ADSS1: variants seen among roughly 807,000 people sequenced by gnomAD.
The protein encoded by ADSS1 is adenylosuccinate synthase 1.
Under a neutral mutation model 59.1 loss-of-function variants are expected in ADSS1, and 57 were observed. The ratio of observed to expected loss-of-function variants is 0.97; its 90% CI spans 0.78 to 1.20. The LOEUF (loss-of-function observed/expected upper bound fraction) is 1.20. Among genes scored for constraint, ADSS1 ranks in the 50% most tolerant of loss-of-function variants. ADSS1 has a pLI of 0.00. For synonymous variants in ADSS1, 247 were observed against 249.4 expected (o/e 0.99, Z 0.09); for missense variants, 603 against 610.3 (o/e 0.99, Z 0.13).
chr14:104,731,450 C>T (rs941283327), intron 1 of ADSS1, among the ~76,000 whole-genome samples: 2 of 152,320 alleles, frequency 1.3e-5, no homozygotes, highest in East Asian at 3.9e-4. Context: ...CTAGGAGCAG[C>T]AGGGCTGGGC....
chr14:104,738,489 G>A lies in ADSS1; in HGVS notation c.358+51G>A, dbSNP rs747748633. On this transcript the variant is annotated intron_variant, in intron 3 of 12. Transcript: ENST00000330877. ...CCCTGTCCCAGACGCGGTGCCCTGAGCGGTTGTTGGCTGGAGCCTTCCTGA... is the reference window on the plus strand; with the variant it reads ...CCCTGTCCCAGACGCGGTGCCCTGAACGGTTGTTGGCTGGAGCCTTCCTGA... 1.9e-6 allele frequency: 3 copies of A among 1,596,112 alleles called. No individual in the cohort carries two copies. The African/African-American group carries it at 4.0e-5, about 21-fold the overall frequency.
At chr14:104,743,613 C>G (rs552786123) in intron 10 of ADSS1, 15 of 176,560 alleles carry the variant, frequency 8.5e-5, no homozygotes, top group African/African-American at 2.1e-4. Flanking sequence ...CCCAGCTGTT[C>G]GGGCTGTCTC....
At chr14:104,732,399 G>A (rs1890963594) in intron 1 of ADSS1, among the ~76,000 whole-genome samples, 1 of 152,212 alleles carries the variant, frequency 6.6e-6, no homozygotes, top group Non-Finnish European at 1.5e-5. Flanking sequence ...TGGTGATGGG[G>A]AGGACAGACT....
At position 104,735,042 on chromosome 14, in the gene ADSS1, C is replaced by T. The variant is rs770565985; in HGVS notation, c.215C>T (p.Thr72Met). The T allele has an allele frequency of 3.3e-5, 54 of 1,613,358 alleles. No individual in the cohort carries two copies. Among genetic ancestry groups the T allele is most frequent in the South Asian group, 8.8e-5 (8 of 91,068 alleles). Residue 72 changes from threonine (T) to methionine (M), a missense_variant, in exon 2 of 13, where the codon ACG becomes ATG. Coordinates refer to ENST00000330877, the MANE Select transcript of ADSS1 (RefSeq NM_152328.5). ...CAGGGGGGCAACAACGCCGGCCACA[C>T]GGTGGTGGTGGATGGGAAAGAGTAC... ...RCQGGNNAGH[T>M]VVVDGKEYDF...
intron 2 of ADSS1, among the ~76,000 whole-genome samples, chr14:104,735,593 C>T (rs1891091156): frequency 6.6e-6 from 1 of 152,246 alleles, no homozygotes; most frequent in Admixed American, 6.5e-5. Context: ...TGTGGCCGTC[C>T]TCTTGCCTGG....
In ADSS1 at chr14:104,724,686, A is replaced by G. The variant is rs1238272390; in HGVS notation, c.192+224A>G. Among the ~76,000 whole-genome samples the G allele has an allele frequency of 2.0e-5, 3 of 150,010 alleles. No homozygotes were observed. In the East Asian group the frequency reaches 5.9e-4, roughly 30 times the overall value. ...CCCTCCTTCCACCCACCCCTACTCCACCACCCCGGCAGCGGGCCAGGGCAC... is the reference window on the plus strand; with the variant it reads ...CCCTCCTTCCACCCACCCCTACTCCGCCACCCCGGCAGCGGGCCAGGGCAC... On this transcript the variant is annotated intron_variant, in intron 1 of 12. Transcript: ENST00000330877.
rs948635259 is a variant in ADSS1 at position 104,740,046 on chromosome 14, G to A, written c.476+230G>A. On this transcript the variant is annotated intron_variant, in intron 5 of 12. Coordinates refer to ENST00000330877, the MANE Select transcript of ADSS1 (RefSeq NM_152328.5). This position sits in a 1 kb window ranked among gnomAD's most constrained non-coding sequence, Gnocchi z 4.8. ...TCCTTGCCGGCTGCCACTGCCACGC[G>A]GCTCCCCCCAGGAGTGCATAAGCCC... Among the ~76,000 whole-genome samples, 4 of 152,036 alleles carry A rather than the reference G, an allele frequency of 2.6e-5. No individual in the cohort carries two copies. Among genetic ancestry groups the A allele is most frequent in the South Asian group, 2.1e-4 (1 of 4,822 alleles).
intron 8 of ADSS1, among the ~76,000 whole-genome samples, chr14:104,741,582 C>T (rs2140814319): frequency 6.6e-6 from 1 of 152,310 alleles, no homozygotes; most frequent in East Asian, 1.9e-4. Context: ...AGCTTACCCT[C>T]ACCCCCGAGG....
intron 2 of ADSS1, 122 bp downstream of exon 2, chr14:104,735,244 A>G: frequency 2.2e-6 from 2 of 904,452 alleles, no homozygotes; most frequent in Non-Finnish European, 3.4e-6. Flanking sequence ...AGTAGGCTGG[A>G]CCCCAGCCTC....
At chr14:104,735,143 T>C in intron 2 of ADSS1, 21 bp downstream of exon 2, 1 of 1,581,310 alleles carries the variant, frequency 6.3e-7, no homozygotes, top group Non-Finnish European at 8.6e-7. Flanking sequence ...TGCCCCGACC[T>C]GTGTGTGAGC....
At position 104,740,846 on chromosome 14, in the gene ADSS1, A is replaced by G; in HGVS notation, c.592A>G (p.Asn198Asp). ...TGACTGTCCCTTGTGCAGATTCAAG[A>G]ACCTGGCCCACCAGCACCAGTCGAT... ...DFDEFSSRFK[N>D]LAHQHQSMFP... Residue 198 changes from asparagine (N) to aspartate (D), a missense_variant, in exon 7 of 13, where the codon AAC becomes GAC. Transcript: ENST00000330877. This position sits in a 1 kb window ranked among gnomAD's most constrained non-coding sequence, Gnocchi z 4.8. 6.2e-7 allele frequency: 1 copy of G among 1,613,826 alleles called. No homozygotes were observed. The highest frequency in any genetic ancestry group is 8.5e-7 in the Non-Finnish European group (1 of 1,179,978).
chr14:104,743,268 G>T (rs779756104), intron 10 of ADSS1, 77 bp downstream of exon 10: 6 of 1,573,754 alleles, frequency 3.8e-6, no homozygotes, highest in Non-Finnish European at 5.2e-6. Context: ...AGCACTTGAC[G>T]CAGGGGCTGA....
chr14:104,727,641 A>G (rs1390664285), intron 1 of ADSS1, among the ~76,000 whole-genome samples: 2 of 152,036 alleles, frequency 1.3e-5, no homozygotes, highest in East Asian at 1.9e-4. Flanking sequence ...CCTTGCGTCC[A>G]TGGCGTTTCC....
intron 4 of ADSS1, 87 bp downstream of exon 4, chr14:104,739,465 A>G: frequency 6.9e-7 from 1 of 1,453,860 alleles, no homozygotes. Flanking sequence ...CACCGAGATC[A>G]GGGAAGTCCC....
At chr14:104,727,209 G>C (rs533508238) in intron 1 of ADSS1, among the ~76,000 whole-genome samples, 25 of 152,298 alleles carry the variant, frequency 1.6e-4, no homozygotes, top group African/African-American at 6.0e-4. Flanking sequence ...GGGCCCCTGA[G>C]AGTGTCGTCA....
At chr14:104,730,055 C>T in intron 1 of ADSS1, 4 of 1,569,676 alleles carry the variant, frequency 2.5e-6, no homozygotes, top group Non-Finnish European at 3.5e-6. Flanking sequence ...CGTGCCAGCT[C>T]AGCCCACCCC....
At chr14:104,739,125 G>A (rs917814417) in intron 3 of ADSS1, among the ~76,000 whole-genome samples, 1 of 152,042 alleles carries the variant, frequency 6.6e-6, no homozygotes, top group Non-Finnish European at 1.5e-5. Flanking sequence ...GGGGTGGAGT[G>A]AGGGTCCGGG....
At chr14:104,743,497 G>A (rs777651672) in intron 10 of ADSS1, 1 of 321,836 alleles carries the variant, frequency 3.1e-6, no homozygotes, top group South Asian at 3.2e-5. Flanking sequence ...TACCCAGGAC[G>A]AAAGGATGCA....
At position 104,741,920 on chromosome 14, in the gene ADSS1, A is replaced by G; in HGVS notation, c.866A>G (p.Gln289Arg). Reference protein sequence around the residue: ...GVCTGLGIPPQNIGDVYGVVK... With the variant: ...GVCTGLGIPPRNIGDVYGVVK... ...TGCACGGGCCTGGGCATCCCCCCGC[A>G]GAACATAGGTGACGTGTATGGCGTG... Residue 289 changes from glutamine to arginine, a missense_variant, in exon 9 of 13, where the codon CAG becomes CGG. Physicochemically the swap from Gln to Arg is conservative, Grantham distance 43. Coordinates refer to ENST00000330877, the MANE Select transcript of ADSS1 (RefSeq NM_152328.5). The G allele has an allele frequency of 6.2e-7, 1 of 1,613,502 alleles. No individual in the cohort carries two copies. The highest frequency in any genetic ancestry group is 1.7e-5 in the Admixed American group (1 of 60,036).
Sources: allele counts gnomAD v4.1 joint callset (sites outside exome capture counted in the v4.1 genomes callset), GRCh38; gene constraint gnomAD v4.1.1; non-coding constraint Gnocchi (gnomAD v3.1); transcripts MANE v1.5; gene names NCBI Gene and HGNC (gene_info 2026-07-23, HGNC 2026-07-21).